Variants in ADCY3 observed in about 807,000 individuals in gnomAD.
ADCY3 encodes the protein adenylate cyclase type 3.
Under a neutral mutation model 119.4 loss-of-function variants are expected in ADCY3, and 70 were observed. That is an observed-to-expected ratio of 0.59 (90% CI 0.48 to 0.72). ADCY3 has a LOEUF of 0.72. Ranked by LOEUF, ADCY3 falls within the 30% of genes least tolerant of loss-of-function variation. The pLI is 0.00. For missense variants in ADCY3, 1,238 were observed against 1,541.6 expected, an observed-to-expected ratio of 0.80 and a Z score of 3.30; for synonymous variants, 672 against 621.4, an observed-to-expected ratio of 1.08 and a Z score of -1.21.
chr2:24,844,784 C>A (rs1671475583), intron 3 of ADCY3, among the ~76,000 whole-genome samples: 1 of 152,172 alleles, frequency 6.6e-6, no homozygotes, highest in Non-Finnish European at 1.5e-5. Flanking sequence ...GGCACTGGCC[C>A]CTGCCTGAAG....
intron 3 of ADCY3, among the ~76,000 whole-genome samples, chr2:24,871,146 T>A (rs1320490673): frequency 6.6e-6 from 1 of 151,164 alleles, no homozygotes; most frequent in African/African-American, 2.4e-5. Flanking sequence ...TTTTTTTTTT[T>A]AAGTGCAGAG....
At position 24,918,526 on chromosome 2, in the gene ADCY3, G is replaced by A; in HGVS notation, c.462C>T (p.Tyr154=). Residue 154 remains tyrosine (Y), a synonymous_variant, in exon 2 of 22, where the codon TAC becomes TAT. Transcript: ENST00000679454. The surrounding 1 kb of genome is among the most constrained non-coding windows in gnomAD (Gnocchi z 5.4). ...WLLITAQIFS[Y]LGLNFARAHA... ...GGGCACGCGCGAAGTTCAGGCCCAG[G>A]TAGGAGAAGATCTGGGCGGTTATGA... 4 of 1,614,000 alleles carry A rather than the reference G, an allele frequency of 2.5e-6. No homozygotes were observed. The highest frequency in any genetic ancestry group is 3.4e-6 in the Non-Finnish European group (4 of 1,179,928).
At chr2:24,879,093 G>A (rs1240045617) in intron 2 of ADCY3, among the ~76,000 whole-genome samples, 1 of 152,114 alleles carries the variant, frequency 6.6e-6, no homozygotes, top group East Asian at 1.9e-4. Flanking sequence ...ACGGCTGCCC[G>A]CAGGCTGTGT....
chr2:24,892,414 G>A (rs185447264), intron 2 of ADCY3, among the ~76,000 whole-genome samples: 270 of 152,146 alleles, frequency 1.8e-3, no homozygotes, highest in Non-Finnish European at 2.3e-3. Context: ...AAGTGGGCCC[G>A]GCTAATTTTT....
chr2:24,833,352 G>A (rs2148496519), intron 11 of ADCY3, among the ~76,000 whole-genome samples: 1 of 152,302 alleles, frequency 6.6e-6, no homozygotes, highest in East Asian at 1.9e-4. Flanking sequence ...GGCCACTCCA[G>A]CCTCAGCACC....
chr2:24,840,653 T>C (rs1431351671), intron 6 of ADCY3: 1 of 405,080 alleles, frequency 2.5e-6, no homozygotes, highest in Non-Finnish European at 5.2e-6. Flanking sequence ...GTGCCTGATG[T>C]CACCCCGGGT....
At position 24,873,064 on chromosome 2, in the gene ADCY3, G is replaced by A. The variant is rs966138518; in HGVS notation, c.676-345C>T. ...GCTGGCCAGTCCCTCCACCTGTGAC[G>A]CCTGAGCAGACCCTCTGCCACCCAT... On this transcript the variant is annotated intron_variant, in intron 2 of 21. Transcript: ENST00000679454. 4.2e-4 allele frequency among the ~76,000 whole-genome samples: 64 copies of A among 152,342 alleles called. 1 individual carries two copies. Among genetic ancestry groups the A allele is most frequent in the Admixed American group, 3.4e-3 (52 of 15,298 alleles).
Position 24,878,761 on chromosome 2 carries a change from G to A in ADCY3, c.676-6042C>T, listed in dbSNP as rs544814912. ...GGGTCCCACTTCTGGGGCCACTCTCGCTGCAGACGCCTGTAGAGGCTGCTG... is the reference window on the plus strand; with the variant it reads ...GGGTCCCACTTCTGGGGCCACTCTCACTGCAGACGCCTGTAGAGGCTGCTG... On this transcript the variant is annotated intron_variant, in intron 2 of 21. Transcript: ENST00000679454. The surrounding 1 kb of genome is among the most constrained non-coding windows in gnomAD (Gnocchi z 4.0). Among the ~76,000 whole-genome samples, 76 of 152,254 alleles carry A rather than the reference G, an allele frequency of 5.0e-4. No homozygotes were observed. Among genetic ancestry groups the A allele is most frequent in the African/African-American group, 1.6e-3 (67 of 41,558 alleles).
Position 24,821,539 on chromosome 2 carries a change from G to A in ADCY3, c.3105C>T (p.Phe1035=). The A allele has an allele frequency of 6.2e-7, 1 of 1,614,162 alleles. No individual in the cohort carries two copies. ...DTLTNINNQS[F]NNFMLRIGMN... ...CACCTATGCGCAGCATGAAGTTATTGAAGGACTGGTTGTTGATGTTGGTGA... is the reference window on the plus strand; with the variant it reads ...CACCTATGCGCAGCATGAAGTTATTAAAGGACTGGTTGTTGATGTTGGTGA... The change falls in exon 20 of 22, where the codon TTC becomes TTT. Residue 1035 remains phenylalanine, a synonymous_variant. Coordinates refer to ENST00000679454, the MANE Select transcript of ADCY3 (RefSeq NM_004036.5).
intron 3 of ADCY3, among the ~76,000 whole-genome samples, chr2:24,855,338 G>C (rs1672868647): frequency 6.6e-6 from 1 of 152,194 alleles, no homozygotes; most frequent in African/African-American, 2.4e-5. Context: ...TTTCAGAGAA[G>C]GAAGAATTTT....
chr2:24,860,250 G>A (rs1446272165), intron 3 of ADCY3, among the ~76,000 whole-genome samples: 1 of 152,190 alleles, frequency 6.6e-6, no homozygotes, highest in African/African-American at 2.4e-5. Flanking sequence ...CAACCCTCAA[G>A]GTCCCCAACT....
intron 2 of ADCY3, among the ~76,000 whole-genome samples, chr2:24,873,920 G>C: frequency 6.6e-6 from 1 of 152,236 alleles, no homozygotes. Flanking sequence ...CTCAATTTCT[G>C]GCCCTCAGGG....
chr2:24,915,602 G>A (rs1394305569), intron 2 of ADCY3, among the ~76,000 whole-genome samples: 1 of 152,120 alleles, frequency 6.6e-6, no homozygotes, highest in African/African-American at 2.4e-5. Flanking sequence ...GTGCAGTGGT[G>A]CGATCTCGGC....
intron 11 of ADCY3, among the ~76,000 whole-genome samples, chr2:24,832,795 C>G (rs1431423457): frequency 6.6e-6 from 1 of 152,210 alleles, no homozygotes; most frequent in Non-Finnish European, 1.5e-5. Flanking sequence ...ATGCTGGCCT[C>G]CTTGGCTTGT....
chr2:24,858,788 G>A (rs921336056), intron 3 of ADCY3, among the ~76,000 whole-genome samples: 10 of 152,214 alleles, frequency 6.6e-5, no homozygotes, highest in Non-Finnish European at 1.5e-4. Flanking sequence ...AGGCCACACA[G>A]CCCATGCATG....
At chr2:24,821,358 G>T in intron 20 of ADCY3, 159 bp downstream of exon 20, 2 of 1,073,198 alleles carry the variant, frequency 1.9e-6, no homozygotes, top group Non-Finnish European at 2.7e-6. Context: ...AGAGTCGTCT[G>T]GACTAAAGGT....
At chr2:24,830,418 A>G (rs1669327401) in intron 13 of ADCY3, among the ~76,000 whole-genome samples, 1 of 152,200 alleles carries the variant, frequency 6.6e-6, no homozygotes, top group Non-Finnish European at 1.5e-5. Flanking sequence ...TTCACAGATT[A>G]AATGAATCAA....
At position 24,878,982 on chromosome 2, in the gene ADCY3, G is replaced by A. The variant is rs1676048510; in HGVS notation, c.676-6263C>T. Among the ~76,000 whole-genome samples the A allele has an allele frequency of 6.6e-6, 1 of 152,114 alleles. No homozygotes were observed. Among genetic ancestry groups the A allele is most frequent in the South Asian group, 2.1e-4 (1 of 4,826 alleles). Reference sequence around the variant, plus strand: ...CGGGACACGGGTTGTTTCCCTGCTGGCTCCCCAGCACCCGGGACTGGCACA... The same window carrying A: ...CGGGACACGGGTTGTTTCCCTGCTGACTCCCCAGCACCCGGGACTGGCACA... On this transcript the variant is annotated intron_variant, in intron 2 of 21. Transcript: ENST00000679454. The surrounding 1 kb of genome is among the most constrained non-coding windows in gnomAD (Gnocchi z 4.0).
At chr2:24,824,317 A>C in intron 17 of ADCY3, 61 bp downstream of exon 17, 1 of 1,585,594 alleles carries the variant, frequency 6.3e-7, no homozygotes, top group Admixed American at 1.7e-5. Context: ...GGGCTGCCTG[A>C]AAGAAAGAAC....
Sources: allele counts gnomAD v4.1 joint callset (sites outside exome capture counted in the v4.1 genomes callset), GRCh38; gene constraint gnomAD v4.1.1; non-coding constraint Gnocchi (gnomAD v3.1); transcripts MANE v1.5; gene names NCBI Gene and HGNC (gene_info 2026-07-23, HGNC 2026-07-21).